LUZP2: variants seen among roughly 807,000 people sequenced by gnomAD.
LUZP2 encodes leucine zipper protein 2.
LUZP2 carries 52 observed loss-of-function variants against 51.6 expected under a neutral mutation model. That is an observed-to-expected ratio of 1.01 (90% CI 0.81 to 1.27). The LOEUF (loss-of-function observed/expected upper bound fraction) is 1.27. LUZP2 is among the 50% of genes most tolerant of loss of function. LUZP2 has a pLI of 0.00. For missense variants in LUZP2, 436 were observed against 395.4 expected, an observed-to-expected ratio of 1.10 and a Z score of -0.87; for synonymous variants, 154 against 137.3, an observed-to-expected ratio of 1.12 and a Z score of -0.85.
chr11:24,652,080 T>G, intron 1 of LUZP2, among the ~76,000 whole-genome samples: 1 of 146,390 alleles, frequency 6.8e-6, no homozygotes, highest in Admixed American at 7.0e-5. Flanking sequence ...TGTATATGTG[T>G]GTACACATGT....
At chr11:24,679,917 A>G (rs2133866647) in intron 1 of LUZP2, among the ~76,000 whole-genome samples, 1 of 152,270 alleles carries the variant, frequency 6.6e-6, no homozygotes, top group African/African-American at 2.4e-5. Flanking sequence ...CTATTGAATG[A>G]ATGGATTGCT....
At chr11:25,066,221 G>A (rs1375922809) in intron 10 of LUZP2, among the ~76,000 whole-genome samples, 1 of 151,698 alleles carries the variant, frequency 6.6e-6, no homozygotes, top group African/African-American at 2.4e-5. Context: ...TTACCAAAAG[G>A]CTATTTGAAG....
rs536700462 is a variant in LUZP2, at chr11:24,851,940, T to C, written c.397-54051T>C. Among the ~76,000 whole-genome samples, 3 of 152,352 alleles carry C rather than the reference T, an allele frequency of 2.0e-5. No homozygotes were observed. The South Asian group carries it at 6.2e-4, about 32-fold the overall frequency. On this transcript the variant is annotated intron_variant, in intron 5 of 11. Transcript: ENST00000336930. ...TATAGTATTCTCTGATGGTAGTTTA[T>C]ATTTCTGTGGGATCAGTGGTGATAT... is the stretch of plus-strand genomic sequence containing the variant.
intron 5 of LUZP2, among the ~76,000 whole-genome samples, chr11:24,895,700 A>C (rs939423472): frequency 1.3e-5 from 2 of 152,206 alleles, no homozygotes; most frequent in African/African-American, 4.8e-5. Flanking sequence ...CCTTCTTTTT[A>C]GGGTTGCATA....
chr11:24,741,684 G>A (rs1177847023), intron 4 of LUZP2, among the ~76,000 whole-genome samples: 1 of 150,758 alleles, frequency 6.6e-6, no homozygotes, highest in Non-Finnish European at 1.5e-5. Context: ...CCATTCCTGA[G>A]TTACTTCACT....
At chr11:24,807,482 C>T (rs1849891209) in intron 5 of LUZP2, among the ~76,000 whole-genome samples, 1 of 140,590 alleles carries the variant, frequency 7.1e-6, no homozygotes, top group African/African-American at 2.6e-5. Flanking sequence ...AAAAAAAAGT[C>T]AGGTTAAACA....
intron 1 of LUZP2, among the ~76,000 whole-genome samples, chr11:24,504,710 A>AT (rs955696034): frequency 8.6e-5 from 13 of 151,630 alleles, no homozygotes; most frequent in Middle Eastern, 6.8e-3. Context: ...TAATTTAATA[A>AT]TTTTTTTTTA....
chr11:25,067,568 GA>G (rs2134050172), intron 10 of LUZP2, among the ~76,000 whole-genome samples: 1 of 151,982 alleles, frequency 6.6e-6, no homozygotes, highest in East Asian at 1.9e-4. Context: ...AGAAACATGT[GA>G]AAAATGCTCA....
chr11:24,795,971 T>C (rs1849535462), intron 5 of LUZP2, among the ~76,000 whole-genome samples: 1 of 152,110 alleles, frequency 6.6e-6, no homozygotes, highest in African/African-American at 2.4e-5. Context: ...ACTTCTCAGG[T>C]GATCCGTTCC....
chr11:24,745,419 G>A (rs971349270), intron 4 of LUZP2, among the ~76,000 whole-genome samples: 3 of 152,046 alleles, frequency 2.0e-5, no homozygotes, highest in African/African-American at 7.2e-5. Context: ...TTAGGATTGT[G>A]ATATTTTCTT....
chr11:24,580,665 T>C (rs1391060236), intron 1 of LUZP2, among the ~76,000 whole-genome samples: 1 of 152,180 alleles, frequency 6.6e-6, no homozygotes, highest in South Asian at 2.1e-4. Flanking sequence ...GATAAACAGC[T>C]GATGAATTAT....
At chr11:25,001,468 C>T (rs1022882126) in intron 9 of LUZP2, among the ~76,000 whole-genome samples, 1 of 152,034 alleles carries the variant, frequency 6.6e-6, no homozygotes. Flanking sequence ...ATTTAGATCC[C>T]CTGTTAGGAA....
At chr11:24,910,677 G>C (rs149543006) in intron 6 of LUZP2, among the ~76,000 whole-genome samples, 3 of 152,330 alleles carry the variant, frequency 2.0e-5, no homozygotes, top group South Asian at 2.1e-4. Flanking sequence ...GGAAATGCCT[G>C]GATGTCCAGG....
intron 1 of LUZP2, among the ~76,000 whole-genome samples, chr11:24,566,642 ACAC>A (rs1852234655): frequency 1.4e-5 from 2 of 147,598 alleles, no homozygotes; most frequent in African/African-American, 2.5e-5. Context: ...ACACACACAC[ACAC>A]AAAAATTAGC....
intron 9 of LUZP2, among the ~76,000 whole-genome samples, chr11:25,048,061 T>A (rs1448635823): frequency 6.6e-6 from 1 of 152,128 alleles, no homozygotes; most frequent in Non-Finnish European, 1.5e-5. Flanking sequence ...TCCTCCAGCC[T>A]CTGTCTCCCA....
Position 25,074,501 on chromosome 11 carries a change from A to G in LUZP2, c.859-2828A>G, listed in dbSNP as rs371905861. ...AATGTAGTAAGTTTTCATTATTCAGATGATCAAAGGCTTATCTCGAATAGT... is the reference window on the plus strand; with the variant it reads ...AATGTAGTAAGTTTTCATTATTCAGGTGATCAAAGGCTTATCTCGAATAGT... On this transcript the variant is annotated intron_variant, in intron 10 of 11. Transcript: ENST00000336930. Among the ~76,000 whole-genome samples the G allele has an allele frequency of 8.5e-5, 13 of 152,302 alleles. No individual in the cohort carries two copies. The East Asian group carries it at 1.2e-3, about 14-fold the overall frequency.
chr11:24,676,913 C>G (rs1015222556), intron 1 of LUZP2, among the ~76,000 whole-genome samples: 5 of 152,092 alleles, frequency 3.3e-5, no homozygotes, highest in African/African-American at 7.2e-5. Flanking sequence ...GTGATCAGCC[C>G]TCCTAGGCCT....
intron 1 of LUZP2, among the ~76,000 whole-genome samples, chr11:24,578,355 A>C (rs1852728824): frequency 6.6e-6 from 1 of 152,118 alleles, no homozygotes; most frequent in Admixed American, 6.6e-5. Flanking sequence ...CACTAGCAAC[A>C]GTATCATAAT....
At chr11:24,991,074 G>T (rs2133925999) in intron 9 of LUZP2, among the ~76,000 whole-genome samples, 1 of 152,018 alleles carries the variant, frequency 6.6e-6, no homozygotes, top group South Asian at 2.1e-4. Context: ...CATCAACAGA[G>T]CAGTATACAC....
Sources: gnomAD v4.1 joint callset for allele counts (sites outside exome capture counted in the v4.1 genomes callset) on GRCh38, gnomAD v4.1.1 for gene constraint, MANE v1.5 for transcripts, NCBI Gene and HGNC (gene_info 2026-07-23, HGNC 2026-07-21) for gene names.